The following DST variants were observed in gnomAD, a reference collection of about 807,000 sequenced individuals.
DST encodes bullous pemphigoid antigen.
In DST, 253 loss-of-function variants were observed where a neutral mutation model predicts 875.2. That is an observed-to-expected ratio of 0.29 (90% confidence interval 0.26 to 0.32). DST has a LOEUF of 0.32. Among genes scored for constraint, DST ranks in the 10% least tolerant of loss-of-function variants. The pLI is 1.00. For synonymous variants in DST, 3,124 were observed against 3,197.1 expected, an observed-to-expected ratio of 0.98 and a Z score of 0.77; for missense variants, 8,287 against 9,111.6, an observed-to-expected ratio of 0.91 and a Z score of 3.68.
At chr6:56,598,363 A>C (rs2098411907) in intron 46 of DST, 113 bp downstream of exon 46, 2 of 670,798 alleles carry the variant, frequency 3.0e-6, no homozygotes, top group African/African-American at 3.7e-5. Flanking sequence ...CCAGAATCCC[A>C]TAATAATCCT....
intron 4 of DST, among the ~76,000 whole-genome samples, chr6:56,746,428 A>C (rs1342328840): frequency 6.6e-6 from 1 of 152,242 alleles, no homozygotes; most frequent in Non-Finnish European, 1.5e-5. Flanking sequence ...ATAGCAAAAT[A>C]TTTGAAACAA....
At chr6:56,941,409 G>A (rs771216286) in intron 2 of DST, among the ~76,000 whole-genome samples, 1 of 151,814 alleles carries the variant, frequency 6.6e-6, no homozygotes, top group Non-Finnish European at 1.5e-5. Flanking sequence ...TAAATTAATT[G>A]TGACTTGTAT....
intron 2 of DST, among the ~76,000 whole-genome samples, chr6:56,947,858 C>T (rs1279094956): frequency 6.6e-6 from 1 of 151,412 alleles, no homozygotes; most frequent in Non-Finnish European, 1.5e-5. Flanking sequence ...CAGTGGACCC[C>T]ACTTATCCAC....
chr6:56,510,799 C>A lies in DST; in HGVS notation c.18780+398G>T, dbSNP rs1237500673. On this transcript the variant is annotated intron_variant, in intron 73 of 103. Coordinates refer to ENST00000680361, the MANE Select transcript of DST (RefSeq NM_001374736.1). The stretch of plus-strand genomic sequence containing the variant: ...AACCATCAATATCCAACTTTATATT[C>A]TTTTTCTTTTCATTTAGCCTATCAT... Among the ~76,000 whole-genome samples the A allele has an allele frequency of 5.3e-5, 8 of 152,206 alleles. No homozygotes were observed. The East Asian group carries it at 1.5e-3, about 29-fold the overall frequency.
Position 56,606,987 on chromosome 6 carries a change from G to A in DST, c.7641C>T (p.Asp2547=). The change falls in exon 40 of 104, where the codon GAC becomes GAT. Residue 2547 remains aspartate, a synonymous_variant. Transcript: ENST00000680361. ...THPGFQQMPE[D]KEDESEIEEY... Reference sequence around the variant, plus strand: ...CTTCTATTTCAGACTCATCTTCCTTGTCTTCAGGCATCTGCTGAAAACCTG... The same window carrying A: ...CTTCTATTTCAGACTCATCTTCCTTATCTTCAGGCATCTGCTGAAAACCTG... 6.2e-7 allele frequency: 1 copy of A among 1,613,392 alleles called. No homozygotes were observed. The highest frequency in any genetic ancestry group is 8.5e-7 in the Non-Finnish European group (1 of 1,179,590).
chr6:56,934,591 G>GATATATATATATATAT (rs1812036864), intron 2 of DST, among the ~76,000 whole-genome samples: 1 of 86,576 alleles, frequency 1.2e-5, no homozygotes, highest in African/African-American at 4.3e-5. Flanking sequence ...TATATATATC[G>GATATATATATATATAT]TGAGAGAGAG....
At chr6:56,527,782 G>T in intron 67 of DST, 48 bp from the exon 68 acceptor site, 1 of 1,545,238 alleles carries the variant, frequency 6.5e-7, no homozygotes, top group South Asian at 1.3e-5. Context: ...AAAAAAGGCA[G>T]GGAGAGGGTT....
chr6:56,909,302 C>A (rs1203396684), intron 2 of DST, among the ~76,000 whole-genome samples: 1 of 152,186 alleles, frequency 6.6e-6, no homozygotes, highest in Non-Finnish European at 1.5e-5. Flanking sequence ...GCCTCCCCTG[C>A]AGTTAGATAA....
chr6:56,507,413 G>C (rs1168144953), intron 75 of DST, among the ~76,000 whole-genome samples: 1 of 152,176 alleles, frequency 6.6e-6, no homozygotes, highest in Non-Finnish European at 1.5e-5. Flanking sequence ...TTCCCCTCAA[G>C]GGGCCCACAC....
At chr6:56,909,001 C>A (rs1797722967) in intron 2 of DST, among the ~76,000 whole-genome samples, 1 of 151,860 alleles carries the variant, frequency 6.6e-6, no homozygotes, top group Admixed American at 6.5e-5. Flanking sequence ...AATAGCCATT[C>A]TTCTATTCCT....
chr6:56,618,752 A>G (rs781772072), intron 36 of DST: 5 of 1,614,136 alleles, frequency 3.1e-6, no homozygotes, highest in Non-Finnish European at 4.2e-6. Flanking sequence ...GGACTCCATT[A>G]ATTTTTCCAT....
chr6:56,782,726 A>C (rs1002711018), intron 4 of DST, among the ~76,000 whole-genome samples: 4 of 151,594 alleles, frequency 2.6e-5, no homozygotes, highest in Non-Finnish European at 5.9e-5. Flanking sequence ...TATTTCCTTC[A>C]GTTCTGCTCT....
intron 5 of DST, among the ~76,000 whole-genome samples, chr6:56,722,973 A>C (rs1164705065): frequency 6.6e-6 from 1 of 152,242 alleles, no homozygotes; most frequent in Non-Finnish European, 1.5e-5. Context: ...AAAAACTGAA[A>C]GAGAATATGT....
At position 56,506,462 on chromosome 6, in the gene DST, T is replaced by C. The variant is rs1163136512; in HGVS notation, c.19445A>G (p.Gln6482Arg). Residue 6482 changes from glutamine to arginine, a missense_variant, in exon 77 of 104, where the codon CAG becomes CGG. Gln to Arg is a conservative substitution (Grantham distance 43, BLOSUM62 1). Coordinates refer to ENST00000680361, the MANE Select transcript of DST (RefSeq NM_001374736.1). ...CCTTACCTGCAGTCCATCCTGGTAC[T>C]GAACGGCAGCCTGCATTGCCTCCTC... ...KLEEAMQAAV[Q>R]YQDGLQAVFD... 1 of 1,612,916 alleles carries C rather than the reference T, an allele frequency of 6.2e-7. No homozygotes were observed. The highest frequency in any genetic ancestry group is 8.5e-7 in the Non-Finnish European group (1 of 1,179,392).
intron 3 of DST, among the ~76,000 whole-genome samples, chr6:56,881,859 A>G (rs1782377819): frequency 1.3e-5 from 2 of 152,186 alleles, no homozygotes; most frequent in South Asian, 4.1e-4. Flanking sequence ...ATTTTATTAA[A>G]TGGGTGGCTA....
intron 3 of DST, chr6:56,864,226 A>C (rs957036313): frequency 1.3e-5 from 2 of 152,244 alleles, no homozygotes; most frequent in African/African-American, 4.8e-5. Flanking sequence ...TCAAGACTGC[A>C]ATATCAGCTC....
intron 4 of DST, among the ~76,000 whole-genome samples, chr6:56,833,233 TAACTC>T (rs576244570): frequency 1.6e-3 from 239 of 152,352 alleles, no homozygotes; most frequent in African/African-American, 5.4e-3. Flanking sequence ...AATCTTGCTG[TAACTC>T]AACTCATGTT....
Position 56,578,858 on chromosome 6 carries a change from C to T in DST, c.12983G>A (p.Arg4328Lys). 1 of 1,611,442 alleles carries T rather than the reference C, an allele frequency of 6.2e-7. No individual in the cohort carries two copies. Among genetic ancestry groups the T allele is most frequent in the Non-Finnish European group, 8.5e-7 (1 of 1,178,816 alleles). The change falls in exon 50 of 104, where the codon AGG (arginine) becomes AAG (lysine). Residue 4328 changes from arginine to lysine, a missense_variant. Arg to Lys is a conservative substitution (Grantham distance 26). Around this residue, in one of 10 missense-constraint regions of DST, gnomAD observed 1,513 missense variants for 1,677.8 expected, o/e 0.90. Transcript: ENST00000680361. ...KKTAEVLLDA[R>K]GSLLPAKNDI... is the part of the protein sequence containing the mutation. The stretch of plus-strand genomic sequence containing the variant: ...ATTCTTGGCTGGAAGTAAAGATCCC[C>T]TGGCATCTAAAAGCACTTCAGCCGT...
chr6:56,704,359 T>G lies in DST; in HGVS notation c.698A>C (p.His233Pro). 1 of 1,558,960 alleles carries G rather than the reference T, an allele frequency of 6.4e-7. No homozygotes were observed. The highest frequency in any genetic ancestry group is 8.7e-7 in the Non-Finnish European group (1 of 1,149,892). ...TAAGTCTTCATAGAGATCATTCACA[T>G]GTTTTCGAACCTATAAAGAGAAAAG... ...INQHLMKVRK[H>P]VNDLYEDLRD... Residue 233 changes from histidine to proline, a missense_variant, in exon 6 of 104, where the codon CAT becomes CCT. His to Pro is a moderately conservative substitution (Grantham distance 77). Coordinates refer to ENST00000680361, the MANE Select transcript of DST (RefSeq NM_001374736.1).
Sources: gnomAD v4.1 joint callset for allele counts (sites outside exome capture counted in the v4.1 genomes callset) on GRCh38, gnomAD v4.1.1 for gene constraint, gnomAD v4.1.1 regional missense constraint, MANE v1.5 for transcripts, NCBI Gene and HGNC (gene_info 2026-07-23, HGNC 2026-07-21) for gene names.